Variants in ST6GALNAC5 observed in about 807,000 individuals in gnomAD.
ST6GALNAC5 encodes ST6 N-acetylgalactosaminide alpha-2,6-sialyltransferase 5.
ST6GALNAC5 carries 27 observed loss-of-function variants against 33.6 expected under a neutral mutation model. That is an observed-to-expected ratio of 0.80 (90% confidence interval 0.59 to 1.11). The LOEUF is 1.11. Ranked by LOEUF, ST6GALNAC5 falls within the 50% of genes least tolerant of loss-of-function variation. The probability of loss-of-function intolerance (pLI) is 0.00; values close to 1 mark genes in which losing one functional copy is unlikely to be tolerated. For synonymous variants in ST6GALNAC5, 194 were observed against 171.2 expected, an observed-to-expected ratio of 1.13 and a Z score of -1.04; for missense variants, 428 against 454.0, an observed-to-expected ratio of 0.94 and a Z score of 0.52.
chr1:77,049,192 A>T (rs998552354), intron 3 of ST6GALNAC5, among the ~76,000 whole-genome samples: 2 of 152,008 alleles, frequency 1.3e-5, no homozygotes. Context: ...AATGATGCAA[A>T]CTGATAGACA....
chr1:76,945,767 G>A (rs1647496183), intron 2 of ST6GALNAC5, among the ~76,000 whole-genome samples: 1 of 152,096 alleles, frequency 6.6e-6, no homozygotes, highest in South Asian at 2.1e-4. Flanking sequence ...CCTGACAACT[G>A]AATGTTACAT....
intron 3 of ST6GALNAC5, among the ~76,000 whole-genome samples, chr1:77,047,141 G>C (rs563292105): frequency 6.6e-6 from 1 of 152,308 alleles, no homozygotes; most frequent in South Asian, 2.1e-4. Flanking sequence ...CCCTACTCAG[G>C]GGAATCACAC....
At chr1:77,052,413 T>C (rs1013413998) in intron 4 of ST6GALNAC5, among the ~76,000 whole-genome samples, 1 of 152,172 alleles carries the variant, frequency 6.6e-6, no homozygotes, top group Non-Finnish European at 1.5e-5. Context: ...GAGGCTTGTT[T>C]TCCTTGTTTG....
chr1:76,920,202 A>G (rs1305361595), intron 2 of ST6GALNAC5, among the ~76,000 whole-genome samples: 1 of 152,200 alleles, frequency 6.6e-6, no homozygotes, highest in East Asian at 1.9e-4. Context: ...TCAGCTCTAC[A>G]TAGCTGGGCT....
chr1:76,948,482 C>T (rs1187005154), intron 2 of ST6GALNAC5, among the ~76,000 whole-genome samples: 1 of 151,778 alleles, frequency 6.6e-6, no homozygotes, highest in Non-Finnish European at 1.5e-5. Context: ...AATGACAGCA[C>T]TAGCTCTCAT....
intron 2 of ST6GALNAC5, among the ~76,000 whole-genome samples, chr1:76,998,501 T>C (rs1428244993): frequency 6.6e-6 from 1 of 152,210 alleles, no homozygotes; most frequent in African/African-American, 2.4e-5. Flanking sequence ...GTATTCTTAT[T>C]TCATAACCAA....
chr1:77,044,606 A>C lies in ST6GALNAC5; in HGVS notation c.664A>C (p.Lys222Gln), dbSNP rs1181259512. ...TGAGCTCTTCAAGCAGGAGACTGGC[A>C]AAGACAGGTACAAAGGCACAGGGAA... is the stretch of plus-strand genomic sequence containing the variant. Reference protein sequence around the residue: ...FDELFKQETGKDRKISNTWLS... With the variant: ...FDELFKQETGQDRKISNTWLS... Residue 222 changes from lysine to glutamine, a missense_variant, in exon 3 of 5, where the codon AAA becomes CAA. Physicochemically the swap from Lys to Gln is moderately conservative, Grantham distance 53. Transcript: ENST00000477717. The C allele has an allele frequency of 6.4e-7, 1 of 1,550,812 alleles. No individual in the cohort carries two copies. The highest frequency in any genetic ancestry group is 2.3e-5 in the East Asian group (1 of 44,130).
At chr1:77,045,776 G>T (rs1651988222) in intron 3 of ST6GALNAC5, among the ~76,000 whole-genome samples, 1 of 152,156 alleles carries the variant, frequency 6.6e-6, no homozygotes. Flanking sequence ...GAACTAGGGG[G>T]TGGGGGTGAC....
intron 2 of ST6GALNAC5, among the ~76,000 whole-genome samples, chr1:76,949,357 C>T (rs1647654115): frequency 6.6e-6 from 1 of 152,074 alleles, no homozygotes; most frequent in Non-Finnish European, 1.5e-5. Context: ...CTGTTTGGGG[C>T]TCAGTTTTGC....
chr1:76,956,193 C>T (rs149606899), intron 2 of ST6GALNAC5, among the ~76,000 whole-genome samples: 1 of 152,010 alleles, frequency 6.6e-6, no homozygotes, highest in East Asian at 1.9e-4. Context: ...CAGGGTTAGA[C>T]TCTATTAAAG....
chr1:77,002,454 T>C (rs1189442394), intron 2 of ST6GALNAC5, among the ~76,000 whole-genome samples: 8 of 151,890 alleles, frequency 5.3e-5, no homozygotes, highest in Admixed American at 2.0e-4. Context: ...CCTGGATTCA[T>C]TAATTTTTTG....
At chr1:77,019,997 TTTAC>T (rs1344534184) in intron 2 of ST6GALNAC5, among the ~76,000 whole-genome samples, 4 of 152,142 alleles carry the variant, frequency 2.6e-5, no homozygotes, top group Admixed American at 1.3e-4. Context: ...CAGAACATAT[TTTAC>T]ATGAAAACCT....
At chr1:77,061,529 C>T (rs957072764) in intron 4 of ST6GALNAC5, among the ~76,000 whole-genome samples, 6 of 152,198 alleles carry the variant, frequency 3.9e-5, no homozygotes, top group African/African-American at 7.2e-5. Context: ...AACCCTAGGG[C>T]ATCAGGCTCT....
At position 76,981,248 on chromosome 1, in the gene ST6GALNAC5, G is replaced by A. The variant is rs966340084; in HGVS notation, c.262-62956G>A. 2.6e-5 allele frequency among the ~76,000 whole-genome samples: 4 copies of A among 152,320 alleles called. No individual in the cohort carries two copies. In the South Asian group the frequency reaches 6.2e-4, roughly 24 times the overall value. ...TTCCCTTTCCTAGCCAAGGGAAGCC[G>A]TGACAGACTACCTGGAAAAATGGGG... On this transcript the variant is annotated intron_variant, in intron 2 of 4. Transcript: ENST00000477717.
intron 2 of ST6GALNAC5, among the ~76,000 whole-genome samples, chr1:76,882,389 C>A (rs1478277960): frequency 6.6e-6 from 1 of 152,114 alleles, no homozygotes; most frequent in South Asian, 2.1e-4. Context: ...ACTTAGTTAA[C>A]CAAGTGTTTG....
Position 76,868,529 on chromosome 1 carries a change from C to G in ST6GALNAC5, c.48C>G (p.Thr16=). Residue 16 remains threonine, a synonymous_variant, in exon 2 of 5, where the codon ACC becomes ACG. Transcript: ENST00000477717. This position sits in a 1 kb window ranked among gnomAD's most constrained non-coding sequence, Gnocchi z 4.3. ...GTCTGGCAGTGTGTTTAGCGCTCAC[C>G]ACCATGTGCACCAGCTTGTTGCTAG... ...RHGLAVCLAL[T]TMCTSLLLVY... The G allele has an allele frequency of 6.2e-7, 1 of 1,612,918 alleles. No individual in the cohort carries two copies. Among genetic ancestry groups the G allele is most frequent in the Non-Finnish European group, 8.5e-7 (1 of 1,179,274 alleles).
At chr1:77,016,266 G>A (rs1211444328) in intron 2 of ST6GALNAC5, among the ~76,000 whole-genome samples, 1 of 94,414 alleles carries the variant, frequency 1.1e-5, no homozygotes, top group African/African-American at 4.3e-5. Flanking sequence ...TCCTCCTCCT[G>A]TATCTCCTCC....
At chr1:76,972,693 T>C (rs925422799) in intron 2 of ST6GALNAC5, among the ~76,000 whole-genome samples, 2 of 152,130 alleles carry the variant, frequency 1.3e-5, no homozygotes, top group Non-Finnish European at 1.5e-5. Flanking sequence ...TTTCTGGAAG[T>C]GGAGTGCTGA....
intron 2 of ST6GALNAC5, among the ~76,000 whole-genome samples, chr1:77,013,632 T>C (rs1274262931): frequency 1.3e-5 from 2 of 152,172 alleles, no homozygotes; most frequent in East Asian, 1.9e-4. Flanking sequence ...TAACGCTACA[T>C]TGTGTATTTC....
Sources: gnomAD v4.1 joint callset for allele counts (sites outside exome capture counted in the v4.1 genomes callset) on GRCh38, gnomAD v4.1.1 for gene constraint, Gnocchi (gnomAD v3.1) non-coding constraint, MANE v1.5 for transcripts, NCBI Gene and HGNC (gene_info 2026-07-23, HGNC 2026-07-21) for gene names.